The following TJP1 variants were observed in gnomAD, a reference collection of about 807,000 sequenced individuals.
The protein encoded by TJP1 is tight junction protein ZO-1.
TJP1 carries 43 observed loss-of-function variants against 194.2 expected under a neutral mutation model. The observed-to-expected ratio is 0.22, with a 90% CI of 0.17 to 0.29. The LOEUF is 0.29. TJP1 is among the 10% of genes least tolerant of loss of function. The pLI is 1.00. For synonymous variants in TJP1, 801 were observed against 779.0 expected (o/e 1.03, Z -0.47); for missense variants, 1,971 against 2,185.7 (o/e 0.90, Z 1.96).
intron 2 of TJP1, among the ~76,000 whole-genome samples, chr15:29,905,683 C>T (rs2053784513): frequency 1.3e-5 from 2 of 152,240 alleles, no homozygotes. Context: ...TATTATTTAG[C>T]AATACAAAGA....
chr15:29,941,289 C>T (rs2152284126), intron 2 of TJP1, among the ~76,000 whole-genome samples: 1 of 152,338 alleles, frequency 6.6e-6, no homozygotes, highest in African/African-American at 2.4e-5. Flanking sequence ...GTTTCCTTTG[C>T]TGGCCCCTCG....
At chr15:29,933,421 T>C (rs2054783097) in intron 2 of TJP1, among the ~76,000 whole-genome samples, 1 of 151,938 alleles carries the variant, frequency 6.6e-6, no homozygotes, top group Non-Finnish European at 1.5e-5. Context: ...GAAAGTACAA[T>C]TAGATAGGTA....
intron 2 of TJP1, among the ~76,000 whole-genome samples, chr15:29,832,909 G>C (rs189837817): frequency 6.6e-6 from 1 of 152,182 alleles, no homozygotes; most frequent in Non-Finnish European, 1.5e-5. Context: ...CCAGTGTGTG[G>C]AGAGAACACA....
intron 2 of TJP1, 90 bp downstream of exon 2, chr15:29,800,556 G>A: frequency 1.5e-6 from 2 of 1,299,412 alleles, no homozygotes; most frequent in Non-Finnish European, 1.1e-6. Context: ...TCCTCCCTCT[G>A]GCTTCCTGAC....
intron 2 of TJP1, among the ~76,000 whole-genome samples, chr15:29,865,847 G>C (rs2052283654): frequency 6.6e-6 from 1 of 152,212 alleles, no homozygotes; most frequent in Non-Finnish European, 1.5e-5. Flanking sequence ...AAGCTGAAAA[G>C]CTAAAGAAAT....
chr15:29,780,740 T>C (rs946169843), intron 2 of TJP1, among the ~76,000 whole-genome samples: 1 of 152,094 alleles, frequency 6.6e-6, no homozygotes, highest in African/African-American at 2.4e-5. Flanking sequence ...AGAAAAAATG[T>C]AGAAATGAAG....
chr15:29,968,795 C>T, exon 1 of TJP1: 1 of 1,198,252 alleles, frequency 8.3e-7, no homozygotes, highest in Non-Finnish European at 1.1e-6. Context: ...CAGGGCCCCG[C>T]CGCCTCCGCC....
At chr15:29,741,612 T>C (rs1205104404) in intron 9 of TJP1, among the ~76,000 whole-genome samples, 176 bp from the exon 10 acceptor site, 1 of 152,194 alleles carries the variant, frequency 6.6e-6, no homozygotes, top group Admixed American at 6.5e-5. Context: ...CAAGTAGGTA[T>C]GTTACACAGT....
At chr15:29,798,840 T>C (rs1261246870) in intron 2 of TJP1, among the ~76,000 whole-genome samples, 1 of 152,192 alleles carries the variant, frequency 6.6e-6, no homozygotes, top group African/African-American at 2.4e-5. Flanking sequence ...GAGAAACTAC[T>C]GATAGAGTAA....
At chr15:29,713,176 A>G (rs1300478803) in intron 23 of TJP1, among the ~76,000 whole-genome samples, 2 of 152,244 alleles carry the variant, frequency 1.3e-5, no homozygotes, top group Non-Finnish European at 2.9e-5. Flanking sequence ...GAAGTCTCAC[A>G]TAGTGAGTTG....
chr15:29,815,447 A>T (rs1030214163), intron 1 of TJP1, among the ~76,000 whole-genome samples: 8 of 152,220 alleles, frequency 5.3e-5, no homozygotes, highest in African/African-American at 1.9e-4. Context: ...CTAGACATAA[A>T]CTATCTTTTT....
chr15:29,932,956 T>A (rs1393980990), intron 2 of TJP1, among the ~76,000 whole-genome samples: 1 of 152,184 alleles, frequency 6.6e-6, no homozygotes, highest in Non-Finnish European at 1.5e-5. Flanking sequence ...TTTATGATTA[T>A]AAAATAATGT....
chr15:29,957,063 T>G (rs948301724), intron 1 of TJP1, among the ~76,000 whole-genome samples: 1 of 152,176 alleles, frequency 6.6e-6, no homozygotes, highest in Admixed American at 6.6e-5. Flanking sequence ...GAGCTATCAT[T>G]GTGTCCATCA....
At chr15:29,710,552 T>TA (rs1480715018) in intron 24 of TJP1, among the ~76,000 whole-genome samples, 2 of 152,230 alleles carry the variant, frequency 1.3e-5, no homozygotes, top group South Asian at 4.1e-4. Flanking sequence ...TAGTAGGTTT[T>TA]ACAAACCATC....
rs756676847 is a variant in TJP1 at position 29,732,548 on chromosome 15, A to G, written c.1922-20T>C. 4 of 1,614,016 alleles carry G rather than the reference A, an allele frequency of 2.5e-6. 1 individual carries two copies. The South Asian group carries it at 4.4e-5, about 18-fold the overall frequency. ...ATCCAGCTGGAGAGAAATTCACATGAAAAACAGCATATTTTATACCTTTTC... is the reference window on the plus strand; with the variant it reads ...ATCCAGCTGGAGAGAAATTCACATGGAAAACAGCATATTTTATACCTTTTC... On this transcript the variant is annotated intron_variant, in intron 14 of 27. Coordinates refer to ENST00000614355, the MANE Select transcript of TJP1 (RefSeq NM_001330239.4).
At chr15:29,821,889 G>T in intron 1 of TJP1, 113 bp downstream of exon 1, 2 of 1,009,268 alleles carry the variant, frequency 2.0e-6, no homozygotes, top group Non-Finnish European at 1.2e-6. Context: ...CCACCCCGCC[G>T]CCCCGGGGCC....
chr15:29,773,709 G>A (rs948969798), intron 2 of TJP1, among the ~76,000 whole-genome samples: 2 of 152,202 alleles, frequency 1.3e-5, no homozygotes, highest in Non-Finnish European at 2.9e-5. Context: ...CCTGGCAACT[G>A]ATTTAGAAGA....
rs745917329 is a variant in TJP1, at chr15:29,720,554, T to C, written c.2567A>G (p.Gln856Arg). 3.1e-6 allele frequency: 5 copies of C among 1,614,122 alleles called. No individual in the cohort carries two copies. The Admixed American group carries it at 8.3e-5, about 27-fold the overall frequency. ...TDTEGGAYTD[Q>R]ELDETLNDEV... ...ATCATTAAGAGTTTCATCTAGTTCT[T>C]GATCAGTGTAGGCCCCGCCTTCTGT... Residue 856 changes from glutamine to arginine, a missense_variant, in exon 19 of 28, where the codon CAA becomes CGA. By Grantham distance (43) the Gln-to-Arg change is conservative. Coordinates refer to ENST00000614355, the MANE Select transcript of TJP1 (RefSeq NM_001330239.4).
At chr15:29,758,732 T>C (rs1325793438) in intron 8 of TJP1, among the ~76,000 whole-genome samples, 1 of 152,190 alleles carries the variant, frequency 6.6e-6, no homozygotes, top group Non-Finnish European at 1.5e-5. Flanking sequence ...AGTAATCCTT[T>C]TCCTGATAAC....
Sources: gnomAD v4.1 joint callset for allele counts (sites outside exome capture counted in the v4.1 genomes callset) on GRCh38, gnomAD v4.1.1 for gene constraint, MANE v1.5 for transcripts, NCBI Gene and HGNC (gene_info 2026-07-23, HGNC 2026-07-21) for gene names.